The following RGL1 variants were observed in gnomAD, a reference collection of about 807,000 sequenced individuals.
RGL1 encodes the protein ral guanine nucleotide dissociation stimulator like 1.
In RGL1, 24 loss-of-function variants were observed where a neutral mutation model predicts 95.2. That is an observed-to-expected ratio of 0.25 (90% CI 0.18 to 0.35). RGL1 has a LOEUF of 0.35. RGL1 is among the 10% of genes least tolerant of loss of function. The pLI is 1.00. For missense variants in RGL1, 715 were observed against 936.3 expected (o/e 0.76, Z 3.08); for synonymous variants, 329 against 344.9 (o/e 0.95, Z 0.51).
intron 2 of RGL1, among the ~76,000 whole-genome samples, chr1:183,780,909 T>C (rs1026966405): frequency 1.3e-5 from 2 of 152,228 alleles, no homozygotes; most frequent in Non-Finnish European, 2.9e-5. Flanking sequence ...TCCGTGGCAA[T>C]GGAGCCACCA....
At chr1:183,666,152 T>G (rs1652023300) in intron 1 of RGL1, among the ~76,000 whole-genome samples, 2 of 151,816 alleles carry the variant, frequency 1.3e-5, no homozygotes, top group South Asian at 4.1e-4. Flanking sequence ...ATTACAGGCA[T>G]GCACCACCAC....
At chr1:183,658,898 C>G (rs1368313941) in intron 1 of RGL1, among the ~76,000 whole-genome samples, 1 of 151,628 alleles carries the variant, frequency 6.6e-6, no homozygotes, top group Non-Finnish European at 1.5e-5. Flanking sequence ...TCACGGTTCA[C>G]GAAAATCTGC....
At chr1:183,911,314 G>A (rs1668628570) in intron 14 of RGL1, among the ~76,000 whole-genome samples, 1 of 152,152 alleles carries the variant, frequency 6.6e-6, no homozygotes, top group African/African-American at 2.4e-5. Flanking sequence ...GTCTTCCTAT[G>A]CTAGTAGAAA....
chr1:183,903,275 G>A (rs914175126), intron 12 of RGL1, among the ~76,000 whole-genome samples: 6 of 152,108 alleles, frequency 3.9e-5, no homozygotes, highest in East Asian at 1.9e-4. Context: ...AATGGCCTTC[G>A]TCTTCGGTGT....
At chr1:183,749,737 C>T (rs896748558) in intron 2 of RGL1, among the ~76,000 whole-genome samples, 2 of 152,148 alleles carry the variant, frequency 1.3e-5, no homozygotes, top group Non-Finnish European at 2.9e-5. Flanking sequence ...CCTTCAGGAG[C>T]TCTTGTAAGG....
At chr1:183,875,504 T>A (rs959949946) in intron 4 of RGL1, among the ~76,000 whole-genome samples, 1 of 152,196 alleles carries the variant, frequency 6.6e-6, no homozygotes, top group African/African-American at 2.4e-5. Context: ...AACCATTTTC[T>A]TTTATCTCTC....
At chr1:183,853,805 C>G (rs1184041523) in intron 3 of RGL1, among the ~76,000 whole-genome samples, 1 of 152,146 alleles carries the variant, frequency 6.6e-6, no homozygotes, top group Admixed American at 6.5e-5. Context: ...TATCACCTTC[C>G]TTGATTTGTT....
chr1:183,806,511 A>T (rs776168644), intron 2 of RGL1, 26 bp downstream of exon 2: 25 of 1,492,578 alleles, frequency 1.7e-5, no homozygotes, highest in Non-Finnish European at 2.2e-5. Flanking sequence ...GAGATGGTGA[A>T]CTTTGGAATT....
chr1:183,736,116 C>T (rs187653807), intron 1 of RGL1, among the ~76,000 whole-genome samples: 539 of 152,034 alleles, frequency 3.5e-3, no homozygotes, highest in Non-Finnish European at 5.8e-3. Flanking sequence ...GTCAAAACCC[C>T]GATATTATAT....
chr1:183,788,834 A>AG (rs1206830995), intron 2 of RGL1, among the ~76,000 whole-genome samples: 1 of 152,166 alleles, frequency 6.6e-6, no homozygotes, highest in Non-Finnish European at 1.5e-5. Context: ...TGTGTGAACT[A>AG]GGGGGGCACG....
At chr1:183,720,397 C>T (rs1176799845) in intron 1 of RGL1, among the ~76,000 whole-genome samples, 1 of 152,236 alleles carries the variant, frequency 6.6e-6, no homozygotes, top group African/African-American at 2.4e-5. Flanking sequence ...CCTATACTCC[C>T]TCTTCACACA....
chr1:183,643,554 G>A (rs1403859172), intron 1 of RGL1, among the ~76,000 whole-genome samples: 1 of 152,094 alleles, frequency 6.6e-6, no homozygotes, highest in Non-Finnish European at 1.5e-5. Context: ...GCCTCCCAAA[G>A]TGCTGGGATT....
chr1:183,923,440 A>G (rs1453341912), intron 17 of RGL1, among the ~76,000 whole-genome samples: 2 of 152,126 alleles, frequency 1.3e-5, no homozygotes, highest in African/African-American at 4.8e-5. Context: ...TAACCTTTTG[A>G]TGTAATTATA....
intron 1 of RGL1, among the ~76,000 whole-genome samples, chr1:183,685,341 T>C (rs1280823163): frequency 6.6e-6 from 1 of 152,210 alleles, no homozygotes; most frequent in African/African-American, 2.4e-5. Context: ...GGCACCCGCA[T>C]GGGATCTGGG....
At chr1:183,686,077 G>A (rs1161484000) in intron 1 of RGL1, among the ~76,000 whole-genome samples, 1 of 152,046 alleles carries the variant, frequency 6.6e-6, no homozygotes, top group Non-Finnish European at 1.5e-5. Context: ...GTCTCACACT[G>A]GATCATCTTG....
At chr1:183,838,459 A>G (rs1663816475) in intron 2 of RGL1, among the ~76,000 whole-genome samples, 1 of 152,164 alleles carries the variant, frequency 6.6e-6, no homozygotes, top group Non-Finnish European at 1.5e-5. Context: ...CTTCCTGAGG[A>G]TGAAGGATAT....
chr1:183,726,937 G>T (rs1476241611), intron 1 of RGL1, among the ~76,000 whole-genome samples: 1 of 151,940 alleles, frequency 6.6e-6, no homozygotes, highest in African/African-American at 2.4e-5. Context: ...GCTGATTTTT[G>T]GATTTGGAAT....
At chr1:183,875,114 C>G (rs1424773668) in intron 4 of RGL1, among the ~76,000 whole-genome samples, 1 of 152,144 alleles carries the variant, frequency 6.6e-6, no homozygotes, top group Non-Finnish European at 1.5e-5. Context: ...AAACATTTTG[C>G]TGCTTTTGAA....
chr1:183,683,646 G>T (rs540783198), intron 1 of RGL1, among the ~76,000 whole-genome samples: 1 of 152,162 alleles, frequency 6.6e-6, no homozygotes, highest in African/African-American at 2.4e-5. Context: ...ATGTGTCTTG[G>T]GGTTGCTCTT....
Sources: allele counts gnomAD v4.1 joint callset (sites outside exome capture counted in the v4.1 genomes callset), GRCh38; gene constraint gnomAD v4.1.1; transcripts MANE v1.5; gene names NCBI Gene and HGNC (gene_info 2026-07-23, HGNC 2026-07-21).